The following ORC2 variants were observed in gnomAD, a reference collection of about 807,000 sequenced individuals.
ORC2 encodes the protein origin recognition complex protein 2 homolog.
In ORC2, 37 loss-of-function variants were observed where a neutral mutation model predicts 77.7. The ratio of observed to expected loss-of-function variants is 0.48; its 90% confidence interval spans 0.37 to 0.63. ORC2 has a LOEUF of 0.63. ORC2 is among the 20% of genes least tolerant of loss of function. The pLI is 0.00. For missense variants in ORC2, 557 were observed against 661.9 expected, an observed-to-expected ratio of 0.84 and a Z score of 1.74; for synonymous variants, 201 against 229.5, an observed-to-expected ratio of 0.88 and a Z score of 1.12.
intron 4 of ORC2, among the ~76,000 whole-genome samples, chr2:200,955,770 A>G (rs989178100): frequency 4.6e-5 from 7 of 152,158 alleles, no homozygotes; most frequent in African/African-American, 1.4e-4. Context: ...ACCCAACAAT[A>G]TTGATTTCTT....
At chr2:200,917,901 T>C (rs867032074) in intron 15 of ORC2, among the ~76,000 whole-genome samples, 1 of 150,596 alleles carries the variant, frequency 6.6e-6, no homozygotes, top group Non-Finnish European at 1.5e-5. Context: ...CTAGGGGGGG[T>C]TAAAAAAAAA....
At chr2:200,913,874 G>A in intron 16 of ORC2, 57 bp downstream of exon 16, 1 of 1,532,830 alleles carries the variant, frequency 6.5e-7, no homozygotes, top group South Asian at 1.3e-5. Context: ...TCCAGAGACA[G>A]GAAATGTACA....
At chr2:200,917,125 G>C (rs2040670554) in intron 15 of ORC2, among the ~76,000 whole-genome samples, 2 of 150,868 alleles carry the variant, frequency 1.3e-5, no homozygotes, top group African/African-American at 4.9e-5. Flanking sequence ...CTCCCAAGTA[G>C]TTGGGATTAC....
rs1041062225 is a variant in ORC2 at position 200,931,379 on chromosome 2, G to A, written c.877C>T (p.Gln293Ter). 6.6e-7 allele frequency: 1 copy of A among 1,523,432 alleles called. No individual in the cohort carries two copies. The highest frequency in any genetic ancestry group is 1.4e-5 in the African/African-American group (1 of 69,220). The allele number at this position is 1,523,432 out of a possible 1,614,324, so 94.4% of individuals were successfully genotyped here. A position where few individuals can be genotyped will look rare whatever the true frequency, so the allele number is the denominator to read the frequency against. Residue 293 changes from glutamine (Q) to a stop codon, truncating the protein, a stop_gained, in exon 11 of 18, where the codon CAG (glutamine) becomes TAG (stop). Transcript: ENST00000234296. LOFTEE classifies it high-confidence loss of function. ...FSAELKQLNQ[Q>*]YEKLFHKWML... ...CATTTATGAAATAATTTTTCATACT[G>A]TTGATTTAGTTGTTTAAGTTCGGCA...
intron 5 of ORC2, among the ~76,000 whole-genome samples, chr2:200,945,817 A>C (rs1161646026): frequency 6.6e-6 from 1 of 152,102 alleles, no homozygotes; most frequent in African/African-American, 2.4e-5. Context: ...ATGAACATTT[A>C]GCTTGATTCC....
intron 15 of ORC2, among the ~76,000 whole-genome samples, chr2:200,917,817 T>C (rs1038110011): frequency 1.3e-5 from 2 of 151,438 alleles, no homozygotes; most frequent in African/African-American, 4.9e-5. Context: ...GAATCTATAA[T>C]CATCTCACAA....
intron 3 of ORC2, 37 bp downstream of exon 3, chr2:200,957,990 TATA>T (rs1388591733): frequency 1.6e-6 from 2 of 1,212,138 alleles, no homozygotes; most frequent in Non-Finnish European, 2.4e-6. Context: ...CCATAAACAT[TATA>T]ATAAGCATCT....
Position 200,909,138 on chromosome 2 carries a change from A to G in ORC2, c.*2163T>C, listed in dbSNP as rs1358387180. 2 of 152,220 alleles carry G rather than the reference A, an allele frequency of 1.3e-5. No homozygotes were observed. Among genetic ancestry groups the G allele is most frequent in the African/African-American group, 4.8e-5 (2 of 41,462 alleles). The allele number at this position is 152,220 out of a possible 1,614,324, so 9.4% of individuals were successfully genotyped here. On this transcript the variant is annotated 3_prime_UTR_variant, in exon 18 of 18. Transcript: ENST00000234296. ...CATTAGGTCATTATAAACTAGATAT[A>G]TTAAGCAAAAAAAGCAAGGTGCAAA...
At position 200,935,766 on chromosome 2, in the gene ORC2, T is replaced by C. The variant is rs779638272; in HGVS notation, c.641A>G (p.Gln214Arg). ...AVIFSQKIQA[Q>R]NRVVSAPVGK... is the part of the protein sequence containing the mutation. ...AACAGGAGCTGAAACTACTCTATTC[T>C]GAGCTTGAATCTTTTGGCTGAATAT... Residue 214 changes from glutamine to arginine, a missense_variant, in exon 9 of 18, where the codon CAG becomes CGG. Transcript: ENST00000234296. The C allele has an allele frequency of 8.1e-6, 13 of 1,613,742 alleles. No individual in the cohort carries two copies. Among genetic ancestry groups the C allele is most frequent in the African/African-American group, 1.3e-5 (1 of 75,052 alleles).
Position 200,957,530 on chromosome 2 carries a change from TC to T in ORC2, c.108del (p.Lys37ArgfsTer13). ...TTGACCAAAAGCTGCGCTCGCTCCT[TC>T]TTCAATTTAGCTCCTATAAGAACAT... ...ILDREGGAKL[K>X]KERAQLLVNP... On this transcript the variant is annotated frameshift_variant, in exon 4 of 18. Transcript: ENST00000234296. LOFTEE classifies it high-confidence loss of function. The T allele has an allele frequency of 6.2e-7, 1 of 1,603,816 alleles. No homozygotes were observed. Among genetic ancestry groups the T allele is most frequent in the Non-Finnish European group, 8.5e-7 (1 of 1,175,204 alleles).
intron 14 of ORC2, 87 bp from the exon 15 acceptor site, chr2:200,920,480 G>A: frequency 9.0e-7 from 1 of 1,108,312 alleles, no homozygotes; most frequent in Non-Finnish European, 1.2e-6. Flanking sequence ...GAATGAGAAA[G>A]GATTAAATAA....
intron 16 of ORC2, 160 bp from the exon 17 acceptor site, chr2:200,913,573 A>C: frequency 7.5e-7 from 1 of 1,331,302 alleles, no homozygotes; most frequent in Non-Finnish European, 9.6e-7. Context: ...CAAGTAAGTC[A>C]TGAGAGCAGA....
rs1032378803 is a variant in ORC2, at chr2:200,949,436, T to C, written c.328+118A>G. 3.3e-5 allele frequency: 21 copies of C among 639,768 alleles called. No homozygotes were observed. The South Asian group carries it at 3.3e-4, about 10-fold the overall frequency. The allele number at this position is 639,768 out of a possible 1,614,324, so 39.6% of individuals were successfully genotyped here. A position where few individuals can be genotyped will look rare whatever the true frequency, so the allele number is the denominator to read the frequency against. On this transcript the variant is annotated intron_variant, in intron 5 of 17. Coordinates refer to ENST00000234296, the MANE Select transcript of ORC2 (RefSeq NM_006190.5). ...GAACGTCTCATTATTCCCTAAACCA[T>C]AGGGAATCTCTCTTCATTCTTTTAG...
chr2:200,928,797 G>A (rs1330352683), intron 11 of ORC2, among the ~76,000 whole-genome samples: 2 of 149,644 alleles, frequency 1.3e-5, no homozygotes, highest in Non-Finnish European at 3.0e-5. Flanking sequence ...CTGGGCAACA[G>A]AGCAAGACTC....
intron 11 of ORC2, 25 bp from the exon 12 acceptor site, chr2:200,926,925 A>G: frequency 6.2e-7 from 1 of 1,606,914 alleles, no homozygotes; most frequent in Admixed American, 1.7e-5. Flanking sequence ...AGTATTCATG[A>G]AATTAAACTT....
At chr2:200,925,218 T>C (rs1041647351) in intron 13 of ORC2, among the ~76,000 whole-genome samples, 1 of 152,082 alleles carries the variant, frequency 6.6e-6, no homozygotes, top group Non-Finnish European at 1.5e-5. Context: ...TCCCAGCTAC[T>C]TGAGAGGCTG....
chr2:200,921,125 G>T lies in ORC2; in HGVS notation c.1162C>A (p.Leu388Ile). 2 of 1,586,700 alleles carry T rather than the reference G, an allele frequency of 1.3e-6. No individual in the cohort carries two copies. The highest frequency in any genetic ancestry group is 1.7e-6 in the Non-Finnish European group (2 of 1,166,456). The change falls in exon 14 of 18, where the codon CTC (leucine) becomes ATC (isoleucine). Residue 388 changes from leucine (L) to isoleucine (I), a missense_variant. Physicochemically the swap from Leu to Ile is conservative, Grantham distance 5. Coordinates refer to ENST00000234296, the MANE Select transcript of ORC2 (RefSeq NM_006190.5). ...TCCAAATTGTGGATGAGAAGGAAGA[G>T]TTCTAAAGAAGAATCTAAAAAGAAA... ...NKFKEDSSLE[L>I]FLLIHNLDSQ...
intron 11 of ORC2, among the ~76,000 whole-genome samples, chr2:200,929,931 T>C (rs1241803325): frequency 6.6e-6 from 1 of 152,144 alleles, no homozygotes; most frequent in Non-Finnish European, 1.5e-5. Flanking sequence ...TAATTTTATG[T>C]ATGTTGAATT....
At chr2:200,913,449 A>C (rs765721001) in intron 16 of ORC2, 36 bp from the exon 17 acceptor site, 14 of 1,547,152 alleles carry the variant, frequency 9.0e-6, no homozygotes, top group South Asian at 1.2e-5. Flanking sequence ...ATAAGTCAGC[A>C]CTTAAGACAT....
Sources: gnomAD v4.1 joint callset for allele counts (sites outside exome capture counted in the v4.1 genomes callset) on GRCh38, gnomAD v4.1.1 for gene constraint, MANE v1.5 for transcripts, NCBI Gene and HGNC (gene_info 2026-07-23, HGNC 2026-07-21) for gene names.